The following ANKHD1 variants were observed in gnomAD, a reference collection of about 807,000 sequenced individuals.
ANKHD1 encodes ankyrin repeat and KH domain containing 1.
In ANKHD1, 31 loss-of-function variants were observed where a neutral mutation model predicts 230.5. The observed-to-expected ratio is 0.13, with a 90% CI of 0.10 to 0.18. The LOEUF is 0.18. Among genes scored for constraint, ANKHD1 ranks in the 10% least tolerant of loss-of-function variants. The pLI is 1.00. For missense variants in ANKHD1, 2,256 were observed against 3,071.3 expected (o/e 0.73, Z 6.27); for synonymous variants, 1,074 against 1,117.6 (o/e 0.96, Z 0.78).
intron 2 of ANKHD1, among the ~76,000 whole-genome samples, chr5:140,438,221 A>G (rs991158841): frequency 1.3e-5 from 2 of 152,148 alleles, no homozygotes; most frequent in African/African-American, 4.8e-5. Context: ...GTAGAGGACA[A>G]ATTAATATTA....
chr5:140,496,054 C>T (rs982124893), intron 14 of ANKHD1, among the ~76,000 whole-genome samples: 1 of 152,172 alleles, frequency 6.6e-6, no homozygotes. Flanking sequence ...ATTAACTCTG[C>T]ATTGCTTGCA....
chr5:140,534,469 A>C (rs1468543798), intron 29 of ANKHD1, among the ~76,000 whole-genome samples: 1 of 152,108 alleles, frequency 6.6e-6, no homozygotes, highest in Non-Finnish European at 1.5e-5. Context: ...AGTTTCTTTT[A>C]AGGGAGACAA....
intron 24 of ANKHD1, among the ~76,000 whole-genome samples, chr5:140,523,093 AT>A (rs1753429412): frequency 2.4e-5 from 3 of 125,740 alleles, no homozygotes; most frequent in South Asian, 2.5e-4. Flanking sequence ...TTTTTAATTA[AT>A]TTTTTTCTTT....
At chr5:140,442,185 G>A (rs1355512700) in intron 5 of ANKHD1, among the ~76,000 whole-genome samples, 3 of 151,592 alleles carry the variant, frequency 2.0e-5, no homozygotes, top group Non-Finnish European at 4.4e-5. Flanking sequence ...GATTACAGGC[G>A]AGTACCACCA....
In ANKHD1 at chr5:140,506,304, C is replaced by CT. The variant is rs200391806; in HGVS notation, c.3408+444dup. ...TAACTTTTATGGGAATGTAAATGCCCTTTTTTTTTGGCGGGGGTTTGTGGA... is the reference window on the plus strand; with the variant it reads ...TAACTTTTATGGGAATGTAAATGCCCTTTTTTTTTTGGCGGGGGTTTGTGGA... On this transcript the variant is annotated intron_variant, in intron 18 of 33. Coordinates refer to ENST00000360839, the MANE Select transcript of ANKHD1 (RefSeq NM_017747.3). The surrounding 1 kb of genome is among the most constrained non-coding windows in gnomAD (Gnocchi z 4.7). Among the ~76,000 whole-genome samples, 2,446 of 150,514 alleles carry CT rather than the reference C, an allele frequency of 0.016. 73 individuals carry two copies. The highest frequency in any genetic ancestry group is 0.056 in the African/African-American group (2,305 of 40,890).
intron 15 of ANKHD1, among the ~76,000 whole-genome samples, chr5:140,501,216 ACAGGCGCCCACCACC>A (rs1752289970): frequency 6.6e-6 from 1 of 150,380 alleles, no homozygotes; most frequent in Non-Finnish European, 1.5e-5. Flanking sequence ...AGCTGGGATT[ACAGGCGCCCACCACC>A]ATGCCTGACT....
At chr5:140,498,227 T>C (rs1355208668) in intron 15 of ANKHD1, 1 of 152,232 alleles carries the variant, frequency 6.6e-6, no homozygotes, top group Non-Finnish European at 1.5e-5. Flanking sequence ...TTGCAACATT[T>C]TTTTCCTTAC....
intron 24 of ANKHD1, among the ~76,000 whole-genome samples, chr5:140,521,662 C>T (rs886862824): frequency 6.6e-6 from 1 of 151,974 alleles, no homozygotes; most frequent in Non-Finnish European, 1.5e-5. Context: ...ACTCCACAAA[C>T]CATACAATTT....
chr5:140,472,750 T>G (rs1776576696), intron 10 of ANKHD1, among the ~76,000 whole-genome samples: 1 of 152,288 alleles, frequency 6.6e-6, no homozygotes, highest in South Asian at 2.1e-4. Flanking sequence ...CTATATAGTT[T>G]ATGCCCTAAT....
intron 1 of ANKHD1, among the ~76,000 whole-genome samples, chr5:140,427,345 G>A (rs1434865524): frequency 7.4e-6 from 1 of 134,540 alleles, no homozygotes. Flanking sequence ...CCTCCCTCCC[G>A]GACGGGGCGG....
At chr5:140,482,723 T>C (rs775133396) in intron 11 of ANKHD1, 56 bp downstream of exon 11, 95 of 1,570,262 alleles carry the variant, frequency 6.0e-5, no homozygotes, top group Non-Finnish European at 7.5e-5. Context: ...GAAAAAAAAA[T>C]CCTAAACTGT....
intron 1 of ANKHD1, among the ~76,000 whole-genome samples, chr5:140,429,921 G>C (rs1299410281): frequency 1.3e-5 from 2 of 152,228 alleles, no homozygotes; most frequent in Non-Finnish European, 2.9e-5. Flanking sequence ...TTTGGCCAGA[G>C]TGACTGACTG....
chr5:140,457,356 A>G (rs1775277247), intron 7 of ANKHD1, among the ~76,000 whole-genome samples: 2 of 152,244 alleles, frequency 1.3e-5, no homozygotes, highest in African/African-American at 4.8e-5. Flanking sequence ...ATTACTGGGT[A>G]TATACCCAAA....
chr5:140,424,448 G>A (rs189496107), intron 1 of ANKHD1, among the ~76,000 whole-genome samples: 87 of 152,172 alleles, frequency 5.7e-4, no homozygotes, highest in Non-Finnish European at 1.0e-4. Flanking sequence ...AGTATGTCTG[G>A]CTATTTTTAG....
intron 10 of ANKHD1, among the ~76,000 whole-genome samples, chr5:140,468,531 A>G (rs547476070): frequency 6.6e-6 from 1 of 152,312 alleles, no homozygotes; most frequent in East Asian, 1.9e-4. Flanking sequence ...CTTAATAGAA[A>G]GAAAAATATC....
rs755308583 is a variant in ANKHD1, at chr5:140,497,117, C to A, written c.2843C>A (p.Ser948Tyr). ...SSDLGSNGTN[S>Y]LELQKVSGNQ... ...GACTTAGGTTCTAATGGGACAAATT[C>A]TCTTGAACTTCAGAAAGTATCAGGT... Residue 948 changes from serine to tyrosine, a missense_variant, in exon 15 of 34, where the codon TCT becomes TAT. By Grantham distance (144) the Ser-to-Tyr change is moderately radical (BLOSUM62 -2). This residue lies in a region of ANKHD1 where 358 missense variants were observed against 397.7 expected (regional missense o/e 0.90). Transcript: ENST00000360839. 6.2e-7 allele frequency: 1 copy of A among 1,614,150 alleles called. No homozygotes were observed. Among genetic ancestry groups the A allele is most frequent in the South Asian group, 1.1e-5 (1 of 91,066 alleles).
rs145939849 is a variant in ANKHD1 at position 140,537,535 on chromosome 5, G to T, written c.7174G>T (p.Val2392Phe). 6.2e-7 allele frequency: 1 copy of T among 1,612,130 alleles called. No homozygotes were observed. Among genetic ancestry groups the T allele is most frequent in the Non-Finnish European group, 8.5e-7 (1 of 1,179,066 alleles). Residue 2392 changes from valine to phenylalanine, a missense_variant, in exon 31 of 34, where the codon GTC becomes TTC. This residue lies in a region of ANKHD1 where 778 missense variants were observed against 966.5 expected (regional missense o/e 0.80). Transcript: ENST00000360839. ...VAQAPAGTSF[V>F]APVGHSGIWS... ...ACAAGCCCCGGCGGGGACCAGTTTT[G>T]TCGCTCCCGTTGGACACAGTGGAAT...
At position 140,436,195 on chromosome 5, in the gene ANKHD1, C is replaced by G. The variant is rs139669258; in HGVS notation, c.398C>G (p.Ala133Gly). The G allele has an allele frequency of 1.5e-4, 242 of 1,610,090 alleles. No individual in the cohort carries two copies. The African/African-American group carries it at 2.9e-3, about 19-fold the overall frequency. The part of the protein sequence containing the change: ...EIFLSSTAEG[A>G]DLRTVDPETQ... ...TTCTTATCAAGTACTGCAGAAGGAG[C>G]AGACTTACGCACTGTGGATCCAGAG... The change falls in exon 2 of 34, where the codon GCA (alanine) becomes GGA (glycine). Residue 133 changes from alanine to glycine, a missense_variant. Physicochemically the swap from Ala to Gly is moderately conservative, Grantham distance 60 (BLOSUM62 0). Around this residue, in one of 13 missense-constraint regions of ANKHD1, gnomAD observed 193 missense variants for 185.8 expected, o/e 1.04. Coordinates refer to ENST00000360839, the MANE Select transcript of ANKHD1 (RefSeq NM_017747.3).
intron 10 of ANKHD1, among the ~76,000 whole-genome samples, chr5:140,478,652 GTTTGTT>G (rs1267250317): frequency 6.6e-6 from 1 of 151,958 alleles, no homozygotes; most frequent in Non-Finnish European, 1.5e-5. Flanking sequence ...TTTTTTGTTT[GTTTGTT>G]TTTGAGACAG....
Sources: allele counts gnomAD v4.1 joint callset (sites outside exome capture counted in the v4.1 genomes callset), GRCh38; gene constraint gnomAD v4.1.1; regional missense constraint gnomAD v4.1.1; non-coding constraint Gnocchi (gnomAD v3.1); transcripts MANE v1.5; gene names NCBI Gene and HGNC (gene_info 2026-07-23, HGNC 2026-07-21).